The following PPP2R2B variants were observed in gnomAD, a reference collection of about 807,000 sequenced individuals.
The protein encoded by PPP2R2B is serine/threonine-protein phosphatase 2A 55 kDa regulatory subunit B beta isoform.
In PPP2R2B, 5 loss-of-function variants were observed where a neutral mutation model predicts 46.0. The observed-to-expected ratio is 0.11, with a 90% confidence interval of 0.06 to 0.23. PPP2R2B has a LOEUF of 0.23. PPP2R2B is among the 10% of genes least tolerant of loss of function. The pLI is 1.00. For synonymous variants in PPP2R2B, 215 were observed against 206.7 expected (o/e 1.04, Z -0.34); for missense variants, 367 against 575.0 (o/e 0.64, Z 3.70).
rs1450924897 is a variant in PPP2R2B at position 146,583,610 on chromosome 5, G to C, written c.*6337C>G. ...CTGCACCTCCCGCTATCTGTGAGCTGTGTGAAGATGGAGCTGTCACTGCTG... is the reference window on the plus strand; with the variant it reads ...CTGCACCTCCCGCTATCTGTGAGCTCTGTGAAGATGGAGCTGTCACTGCTG... On this transcript the variant is annotated 3_prime_UTR_variant, in exon 10 of 10. Coordinates refer to ENST00000394411, the MANE Select transcript of PPP2R2B (RefSeq NM_181675.4). 1 of 152,220 alleles carries C rather than the reference G, an allele frequency of 6.6e-6. No individual in the cohort carries two copies. Among genetic ancestry groups the C allele is most frequent in the Non-Finnish European group, 1.5e-5 (1 of 68,050 alleles). 9.4% of individuals were successfully genotyped at this position (152,220 alleles called of 1,614,324 possible).
intron 2 of PPP2R2B, among the ~76,000 whole-genome samples, chr5:146,710,743 A>G (rs1051470771): frequency 6.6e-6 from 1 of 152,242 alleles, no homozygotes; most frequent in African/African-American, 2.4e-5. Flanking sequence ...TGGGACATCT[A>G]TGGCTGACCC....
intron 5 of PPP2R2B, among the ~76,000 whole-genome samples, chr5:146,656,894 G>A (rs531557511): frequency 3.2e-4 from 49 of 152,148 alleles, no homozygotes; most frequent in African/African-American, 9.6e-4. Context: ...CTGCTCACCC[G>A]CTTTGAGTCT....
chr5:146,628,188 G>T (rs1321645821), intron 7 of PPP2R2B, among the ~76,000 whole-genome samples: 2 of 152,170 alleles, frequency 1.3e-5, no homozygotes, highest in South Asian at 2.1e-4. Flanking sequence ...AAAGTGATCT[G>T]CCCGCCTCAG....
chr5:146,878,255 ACCT>A lies in PPP2R2B; in HGVS notation c.-124-63_-124-61del. 3 of 1,500,530 alleles carry A rather than the reference ACCT, an allele frequency of 2.0e-6. No homozygotes were observed. The highest frequency in any genetic ancestry group is 2.7e-6 in the Non-Finnish European group (3 of 1,127,408). 93.0% of individuals were successfully genotyped at this position (1,500,530 alleles called of 1,614,324 possible). A position where few individuals can be genotyped will look rare whatever the true frequency, so the allele number is the denominator to read the frequency against. ...ATAAAAACCCGGCAATGGAGCTGTC[ACCT>A]CCTCCACTCGGGTTCTGCGAGGCTG... On this transcript the variant is annotated intron_variant, in intron 1 of 9. Coordinates refer to ENST00000394411, the MANE Select transcript of PPP2R2B (RefSeq NM_181675.4). This position sits in a 1 kb window ranked among gnomAD's most constrained non-coding sequence, Gnocchi z 4.5.
intron 5 of PPP2R2B, among the ~76,000 whole-genome samples, chr5:146,667,242 A>G (rs977126536): frequency 7.9e-5 from 12 of 152,016 alleles, no homozygotes; most frequent in Admixed American, 3.3e-4. Context: ...TAGAAAATAA[A>G]TTGTTATATG....
At chr5:146,734,923 C>T (rs918344865) in intron 2 of PPP2R2B, among the ~76,000 whole-genome samples, 5 of 152,128 alleles carry the variant, frequency 3.3e-5, no homozygotes, top group South Asian at 2.1e-4. Flanking sequence ...TTTTATTACC[C>T]GCCCCTTTCT....
chr5:146,701,138 G>A lies in PPP2R2B; in HGVS notation c.75C>T (p.Asp25=), dbSNP rs747593164. Reference sequence around the variant, plus strand: ...GGTTGAATTCTACCGTAGAGATAATGTCAGCTGCAAAGAAGAAGACAAAGG... The same window carrying A: ...GGTTGAATTCTACCGTAGAGATAATATCAGCTGCAAAGAAGAAGACAAAGG... The part of the protein sequence containing the change: ...LRDHSYATEA[D]IISTVEFNHT... Residue 25 remains aspartate (D), a synonymous_variant, in exon 3 of 10, where the codon GAC becomes GAT. Transcript: ENST00000394411. 90 of 1,612,546 alleles carry A rather than the reference G, an allele frequency of 5.6e-5. No individual in the cohort carries two copies. Among genetic ancestry groups the A allele is most frequent in the Non-Finnish European group, 7.3e-5 (86 of 1,178,650 alleles).
At chr5:146,845,858 G>A (rs976045692) in intron 2 of PPP2R2B, among the ~76,000 whole-genome samples, 17 of 152,084 alleles carry the variant, frequency 1.1e-4, no homozygotes, top group Non-Finnish European at 2.5e-4. Flanking sequence ...AACTATTTTT[G>A]ACTAACTTTG....
chr5:146,980,020 T>C (rs1753094856), intron 1 of PPP2R2B, among the ~76,000 whole-genome samples: 1 of 152,192 alleles, frequency 6.6e-6, no homozygotes, highest in East Asian at 1.9e-4. Flanking sequence ...GTTTTCATCT[T>C]CGAGATATCC....
In PPP2R2B at chr5:146,665,934, C is replaced by T. The variant is rs545649684; in HGVS notation, c.448-15210G>A. Among the ~76,000 whole-genome samples the T allele has an allele frequency of 7.9e-5, 12 of 152,304 alleles. No individual in the cohort carries two copies. The South Asian group carries it at 2.5e-3, about 32-fold the overall frequency. The stretch of plus-strand genomic sequence containing the variant: ...TCGAAAAATGGTGCTAATAGATTTG[C>T]TTGTTGCAGTGTTGCTACAAACCTT... On this transcript the variant is annotated intron_variant, in intron 5 of 9. Coordinates refer to ENST00000394411, the MANE Select transcript of PPP2R2B (RefSeq NM_181675.4).
At chr5:146,617,367 A>C (rs867207193) in intron 7 of PPP2R2B, among the ~76,000 whole-genome samples, 2 of 152,200 alleles carry the variant, frequency 1.3e-5, no homozygotes, top group African/African-American at 4.8e-5. Context: ...GTATAACCAG[A>C]TCGTTTGTAA....
At chr5:146,944,844 G>A (rs147794348) in intron 1 of PPP2R2B, among the ~76,000 whole-genome samples, 50 of 152,132 alleles carry the variant, frequency 3.3e-4, no homozygotes, top group Non-Finnish European at 5.3e-4. Flanking sequence ...AGAAGAAAAC[G>A]AATGTCTGAT....
chr5:146,632,450 T>C (rs868680849), intron 7 of PPP2R2B, among the ~76,000 whole-genome samples: 1 of 152,238 alleles, frequency 6.6e-6, no homozygotes, highest in Middle Eastern at 3.2e-3. Flanking sequence ...TAAACCAATA[T>C]GTCTTTTTTC....
intron 2 of PPP2R2B, among the ~76,000 whole-genome samples, chr5:146,767,418 T>C (rs1754554439): frequency 6.6e-6 from 1 of 152,134 alleles, no homozygotes; most frequent in Non-Finnish European, 1.5e-5. Flanking sequence ...TCTTCCGTGG[T>C]ATAGAGTGAA....
chr5:147,033,253 A>G (rs1755879130), intron 1 of PPP2R2B, among the ~76,000 whole-genome samples: 1 of 152,172 alleles, frequency 6.6e-6, no homozygotes, highest in Non-Finnish European at 1.5e-5. Context: ...TCTCTTAATA[A>G]CCACCCATGT....
intron 6 of PPP2R2B, among the ~76,000 whole-genome samples, chr5:146,648,636 A>T (rs1775738613): frequency 1.3e-5 from 2 of 152,160 alleles, no homozygotes; most frequent in South Asian, 4.2e-4. Flanking sequence ...TAAGTAAAAA[A>T]ATTTCAAATC....
chr5:146,589,861 G>C lies in PPP2R2B; in HGVS notation c.*86C>G. 4 of 1,273,754 alleles carry C rather than the reference G, an allele frequency of 3.1e-6. No homozygotes were observed. Among genetic ancestry groups the C allele is most frequent in the Non-Finnish European group, 4.4e-6 (4 of 905,174 alleles). The allele number at this position is 1,273,754 out of a possible 1,614,324, so 78.9% of individuals were successfully genotyped here. ...CCTGTATAGGGAAATTAAAGTCAATGCATCAAATGAAGACCCAAAGAAACA... is the reference window on the plus strand; with the variant it reads ...CCTGTATAGGGAAATTAAAGTCAATCCATCAAATGAAGACCCAAAGAAACA... On this transcript the variant is annotated 3_prime_UTR_variant, in exon 10 of 10. Transcript: ENST00000394411.
At chr5:146,984,170 A>G (rs569405542) in intron 1 of PPP2R2B, among the ~76,000 whole-genome samples, 17 of 152,276 alleles carry the variant, frequency 1.1e-4, no homozygotes, top group Non-Finnish European at 1.9e-4. Flanking sequence ...AGTGCAATAG[A>G]TCTCAGAAAA....
At chr5:146,971,805 CTTTT>C (rs371550575) in intron 1 of PPP2R2B, among the ~76,000 whole-genome samples, 2 of 152,074 alleles carry the variant, frequency 1.3e-5, no homozygotes, top group Non-Finnish European at 2.9e-5. Flanking sequence ...CTTTAACATA[CTTTT>C]TTTATTTTGG....
Sources: gnomAD v4.1 joint callset for allele counts (sites outside exome capture counted in the v4.1 genomes callset) on GRCh38, gnomAD v4.1.1 for gene constraint, Gnocchi (gnomAD v3.1) non-coding constraint, MANE v1.5 for transcripts, NCBI Gene and HGNC (gene_info 2026-07-23, HGNC 2026-07-21) for gene names.